Variants in KMT2A observed in about 807,000 individuals in gnomAD.
KMT2A encodes the protein lysine methyltransferase 2A, also known as histone-lysine N-methyltransferase 2A.
A neutral mutation model predicts 345.3 loss-of-function variants in KMT2A; 16 were observed. The ratio of observed to expected loss-of-function variants is 0.05; its 90% CI spans 0.03 to 0.07. KMT2A has a LOEUF of 0.07. Ranked by LOEUF, KMT2A falls within the 10% of genes least tolerant of loss-of-function variation. The pLI is 1.00. For synonymous variants in KMT2A, 1,599 were observed against 1,778.6 expected (o/e 0.90, Z 2.54); for missense variants, 3,272 against 4,841.6 (o/e 0.68, Z 9.62).
In KMT2A at chr11:118,504,990, G is replaced by A; in HGVS notation, c.9098G>A (p.Gly3033Asp). 1 of 1,614,034 alleles carries A rather than the reference G, an allele frequency of 6.2e-7. No individual in the cohort carries two copies. Among genetic ancestry groups the A allele is most frequent in the South Asian group, 1.1e-5 (1 of 91,056 alleles). The part of the protein sequence containing the change: ...QDLTRNSSTP[G>D]LQVPVSPTVP... ...TTAACTAGGAACAGTAGCACCCCTG[G>A]CCTTCAGGTACCTGTTTCCCCAACT... Residue 3033 changes from glycine to aspartate, a missense_variant, in exon 27 of 36, where the codon GGC (glycine) becomes GAC (aspartate). Physicochemically the swap from Gly to Asp is moderately conservative, Grantham distance 94. Around this residue, in one of 27 missense-constraint regions of KMT2A, gnomAD observed 748 missense variants for 922.2 expected, o/e 0.81. Transcript: ENST00000534358. The surrounding 1 kb of genome is among the most constrained non-coding windows in gnomAD (Gnocchi z 6.4).
In KMT2A at chr11:118,501,704, G is replaced by C; in HGVS notation, c.6352G>C (p.Glu2118Gln). ...ATCAAAAGAGAGTCAAAACACAGCTGAAATTATAAGTCCTCCATCACCAGA... is the reference window on the plus strand; with the variant it reads ...ATCAAAAGAGAGTCAAAACACAGCTCAAATTATAAGTCCTCCATCACCAGA... The part of the protein sequence containing the change: ...SSSKESQNTA[E>Q]IISPPSPDRP... Residue 2118 changes from glutamate to glutamine, a missense_variant, in exon 26 of 36, where the codon GAA (glutamate) becomes CAA (glutamine). Around this residue, in one of 27 missense-constraint regions of KMT2A, gnomAD observed 66 missense variants for 73.9 expected, o/e 0.89. Transcript: ENST00000534358. 6.2e-7 allele frequency: 1 copy of C among 1,613,620 alleles called. No individual in the cohort carries two copies. Among genetic ancestry groups the C allele is most frequent in the Non-Finnish European group, 8.5e-7 (1 of 1,179,816 alleles).
In KMT2A at chr11:118,502,709, G is replaced by C; in HGVS notation, c.6817G>C (p.Val2273Leu). Residue 2273 changes from valine to leucine, a missense_variant, in exon 27 of 36, where the codon GTG becomes CTG. Coordinates refer to ENST00000534358, the MANE Select transcript of KMT2A (RefSeq NM_001197104.2). The surrounding 1 kb of genome is among the most constrained non-coding windows in gnomAD (Gnocchi z 4.9). ...TSTSSNLQRTVVTVGNKNSHL... is the reference protein window; with the variant it reads ...TSTSSNLQRTLVTVGNKNSHL... ...CACCTCTTCAAATTTGCAAAGGACA[G>C]TGGTTACTGTAGGCAATAAAAACAG... The C allele has an allele frequency of 6.2e-7, 1 of 1,614,170 alleles. No homozygotes were observed. The highest frequency in any genetic ancestry group is 8.5e-7 in the Non-Finnish European group (1 of 1,180,032).
At chr11:118,441,307 A>G (rs1240861840) in intron 1 of KMT2A, among the ~76,000 whole-genome samples, 1 of 152,066 alleles carries the variant, frequency 6.6e-6, no homozygotes, top group Non-Finnish European at 1.5e-5. Context: ...ACATTTGCCT[A>G]TATAACTGGC....
chr11:118,458,982 G>GA (rs1170568044), intron 1 of KMT2A, among the ~76,000 whole-genome samples: 6 of 152,132 alleles, frequency 3.9e-5, no homozygotes, highest in African/African-American at 1.4e-4. Flanking sequence ...CATCAGGAGT[G>GA]ATTTTGATAC....
Position 118,476,951 on chromosome 11 carries a change from A to C in KMT2A, c.3303A>C (p.Arg1101=). 6.2e-7 allele frequency: 1 copy of C among 1,614,186 alleles called. No individual in the cohort carries two copies. The highest frequency in any genetic ancestry group is 1.3e-5 in the African/African-American group (1 of 75,058). The part of the protein sequence containing the change: ...PTLSALPWEE[R]EKILSSMGND... ...TGAGTGCCTTACCATGGGAAGAACG[A>C]GAAAAGATTTTGTCTTCCATGGGGA... is the stretch of plus-strand genomic sequence containing the variant. Residue 1101 remains arginine, a synonymous_variant, in exon 4 of 36, where the codon CGA becomes CGC. Transcript: ENST00000534358. The surrounding 1 kb of genome is among the most constrained non-coding windows in gnomAD (Gnocchi z 4.1).
chr11:118,478,081 G>A lies in KMT2A; in HGVS notation c.3449G>A (p.Arg1150His), dbSNP rs2134286849. 3 of 1,614,130 alleles carry A rather than the reference G, an allele frequency of 1.9e-6. No homozygotes were observed. The highest frequency in any genetic ancestry group is 2.5e-6 in the Non-Finnish European group (3 of 1,180,026). The change falls in exon 5 of 36, where the codon CGT becomes CAT. Residue 1150 changes from arginine (R) to histidine (H), a missense_variant. Arg to His is a conservative substitution (Grantham distance 29). This residue lies in a region of KMT2A where 26 missense variants were observed against 90.5 expected (regional missense o/e 0.29). Transcript: ENST00000534358. Reference protein sequence around the residue: ...APQEPPVKKGRRSRRCGQCPG... With the variant: ...APQEPPVKKGHRSRRCGQCPG... Reference sequence around the variant, plus strand: ...CAGGAACCTCCAGTAAAGAAAGGACGTCGATCGAGGCGGTGTGGGCAGTGT... The same window carrying A: ...CAGGAACCTCCAGTAAAGAAAGGACATCGATCGAGGCGGTGTGGGCAGTGT...
At position 118,498,587 on chromosome 11, in the gene KMT2A, G is replaced by A. The variant is rs972667611; in HGVS notation, c.5961+59G>A. 4 of 1,512,800 alleles carry A rather than the reference G, an allele frequency of 2.6e-6. No homozygotes were observed. Among genetic ancestry groups the A allele is most frequent in the Non-Finnish European group, 3.5e-6 (4 of 1,132,176 alleles). The allele number at this position is 1,512,800 out of a possible 1,614,324, so 93.7% of individuals were successfully genotyped here. On this transcript the variant is annotated intron_variant, in intron 22 of 35. Coordinates refer to ENST00000534358, the MANE Select transcript of KMT2A (RefSeq NM_001197104.2). This position sits in a 1 kb window ranked among gnomAD's most constrained non-coding sequence, Gnocchi z 4.4. ...AAAAGACTTTTTTAGAGCAGTTTTA[G>A]GTTCACAGCAAAATTGACTGGAAGG... is the stretch of plus-strand genomic sequence containing the variant.
chr11:118,468,639 T>C, intron 1 of KMT2A, 136 bp from the exon 2 acceptor site: 5 of 664,500 alleles, frequency 7.5e-6, no homozygotes, highest in South Asian at 6.0e-5. Flanking sequence ...TTTTATAGTA[T>C]CCATTGGAAT....
intron 24 of KMT2A, 127 bp downstream of exon 24, chr11:118,500,040 A>G: frequency 1.6e-6 from 1 of 624,642 alleles, no homozygotes; most frequent in Non-Finnish European, 2.9e-6. Flanking sequence ...TTAATCACTT[A>G]TTTTGCTAGT....
intron 28 of KMT2A, chr11:118,507,823 C>T (rs1245067702): frequency 9.0e-6 from 4 of 443,598 alleles, no homozygotes; most frequent in Admixed American, 6.8e-5. Flanking sequence ...ATTAGCCGGG[C>T]GTGATGGCGG....
At chr11:118,440,963 G>A (rs912860143) in intron 1 of KMT2A, among the ~76,000 whole-genome samples, 1 of 151,924 alleles carries the variant, frequency 6.6e-6, no homozygotes, top group East Asian at 1.9e-4. Flanking sequence ...TCTCATCTCC[G>A]TTACTGAACA....
chr11:118,505,425 C>T lies in KMT2A; in HGVS notation c.9533C>T (p.Pro3178Leu). 6.2e-7 allele frequency: 1 copy of T among 1,614,152 alleles called. No homozygotes were observed. The highest frequency in any genetic ancestry group is 8.5e-7 in the Non-Finnish European group (1 of 1,180,024). ...GCAGCTACTCAAAGTAGTTTCCCAC[C>T]AAACATCAGCAATCCTCCTTCAGGC... ...FPAATQSSFP[P>L]NISNPPSGLL... Residue 3178 changes from proline to leucine, a missense_variant, in exon 27 of 36, where the codon CCA becomes CTA. Transcript: ENST00000534358. This position sits in a 1 kb window ranked among gnomAD's most constrained non-coding sequence, Gnocchi z 4.6.
In KMT2A at chr11:118,494,442, G is replaced by A. The variant is rs2134350172; in HGVS notation, c.5289+44G>A. The A allele has an allele frequency of 9.5e-7, 1 of 1,048,004 alleles. No homozygotes were observed. 64.9% of individuals were successfully genotyped at this position (1,048,004 alleles called of 1,614,324 possible). On this transcript the variant is annotated intron_variant, in intron 17 of 35. Transcript: ENST00000534358. The surrounding 1 kb of genome is among the most constrained non-coding windows in gnomAD (Gnocchi z 5.8). ...TCATGTTTTTAATGCTTACCTATAA[G>A]TAATTACCCTGTGAATACAATGAAC...
intron 2 of KMT2A, 131 bp from the exon 3 acceptor site, chr11:118,471,531 T>C: frequency 2.0e-6 from 1 of 497,512 alleles, no homozygotes; most frequent in Non-Finnish European, 3.4e-6. Context: ...ACAATTAAGA[T>C]GTTTGATTGA....
chr11:118,522,043 C>T lies in KMT2A; in HGVS notation c.11790C>T (p.Val3930=), dbSNP rs377564464. 3.7e-5 allele frequency: 59 copies of T among 1,614,096 alleles called. No individual in the cohort carries two copies. The highest frequency in any genetic ancestry group is 4.7e-5 in the Non-Finnish European group (56 of 1,180,044). The change falls in exon 36 of 36, where the codon GTC becomes GTT. Residue 3930 remains valine, a synonymous_variant. Transcript: ENST00000534358. The surrounding 1 kb of genome is among the most constrained non-coding windows in gnomAD (Gnocchi z 5.4). ...ATATTGATGGGCAGAAGCACATTGT[C>T]ATCTTTGCCATGCGTAAGATCTACC... The part of the protein sequence containing the change: ...VINIDGQKHI[V]IFAMRKIYRG...
rs1950546029 is a variant in KMT2A at position 118,504,208 on chromosome 11, G to A, written c.8316G>A (p.Lys2772=). 5.0e-6 allele frequency: 8 copies of A among 1,614,162 alleles called. No individual in the cohort carries two copies. The highest frequency in any genetic ancestry group is 6.8e-6 in the Non-Finnish European group (8 of 1,180,028). Residue 2772 remains lysine, a synonymous_variant, in exon 27 of 36, where the codon AAG becomes AAA. Transcript: ENST00000534358. This position sits in a 1 kb window ranked among gnomAD's most constrained non-coding sequence, Gnocchi z 6.4. Reference sequence around the variant, plus strand: ...CTGGGGAGAAAGAACATGTCACTAAGAGTTCTGTTGGCCACAAAAATGAGC... The same window carrying A: ...CTGGGGAGAAAGAACATGTCACTAAAAGTTCTGTTGGCCACAAAAATGAGC... ...EDAGEKEHVT[K]SSVGHKNEPK...
At position 118,496,399 on chromosome 11, in the gene KMT2A, A is replaced by T. The variant is rs189156873; in HGVS notation, c.5664+32A>T. 1.8e-3 allele frequency: 2,619 copies of T among 1,421,628 alleles called. 4 individuals are homozygous for T. The highest frequency in any genetic ancestry group is 2.4e-3 in the Non-Finnish European group (2,411 of 1,005,062). 88.1% of individuals were successfully genotyped at this position (1,421,628 alleles called of 1,614,324 possible). A position where few individuals can be genotyped will look rare whatever the true frequency, so the allele number is the denominator to read the frequency against. ...ACTTTGCAACACAGGGCCCTAGTTA[A>T]TACATACTCCAAAAGAACTGTTTGT... is the stretch of plus-strand genomic sequence containing the variant. On this transcript the variant is annotated intron_variant, in intron 20 of 35. Transcript: ENST00000534358. The surrounding 1 kb of genome is among the most constrained non-coding windows in gnomAD (Gnocchi z 4.7).
In KMT2A at chr11:118,472,040, G is replaced by C; in HGVS notation, c.881G>C (p.Arg294Thr). Residue 294 changes from arginine to threonine, a missense_variant, in exon 3 of 36, where the codon AGG becomes ACG. Physicochemically the swap from Arg to Thr is moderately conservative, Grantham distance 71 (BLOSUM62 -1). Coordinates refer to ENST00000534358, the MANE Select transcript of KMT2A (RefSeq NM_001197104.2). ...KFKTGKLQIG[R>T]KGVQIVRRRG... ...AAGACAGGGAAGCTTCAAATAGGAAGGAAGGGGGTACAAATTGTACGACGG... is the reference window on the plus strand; with the variant it reads ...AAGACAGGGAAGCTTCAAATAGGAACGAAGGGGGTACAAATTGTACGACGG... 6.2e-7 allele frequency: 1 copy of C among 1,613,662 alleles called. No individual in the cohort carries two copies. The highest frequency in any genetic ancestry group is 8.5e-7 in the Non-Finnish European group (1 of 1,179,932).
intron 23 of KMT2A, 80 bp downstream of exon 23, chr11:118,499,500 T>G: frequency 6.3e-6 from 6 of 945,422 alleles, no homozygotes; most frequent in Admixed American, 3.5e-5. Context: ...AAAATGACCC[T>G]CAGCCAGGTG....
Sources: allele counts gnomAD v4.1 joint callset (sites outside exome capture counted in the v4.1 genomes callset), GRCh38; gene constraint gnomAD v4.1.1; regional missense constraint gnomAD v4.1.1; non-coding constraint Gnocchi (gnomAD v3.1); transcripts MANE v1.5; gene names NCBI Gene and HGNC (gene_info 2026-07-23, HGNC 2026-07-21).